The following PTPRE variants were observed in gnomAD, a reference collection of about 807,000 sequenced individuals.
The protein encoded by PTPRE is protein tyrosine phosphatase receptor type E, also known as receptor-type tyrosine-protein phosphatase epsilon.
Under a neutral mutation model 102.0 loss-of-function variants are expected in PTPRE, and 51 were observed. That is an observed-to-expected ratio of 0.50 (90% CI 0.40 to 0.63). The LOEUF (loss-of-function observed/expected upper bound fraction) is 0.63. Ranked by LOEUF, PTPRE falls within the 30% of genes least tolerant of loss-of-function variation. PTPRE has a pLI of 0.00. For missense variants in PTPRE, 752 were observed against 915.1 expected (o/e 0.82, Z 2.30); for synonymous variants, 345 against 348.2 (o/e 0.99, Z 0.10).
intron 2 of PTPRE, among the ~76,000 whole-genome samples, 193 bp downstream of exon 2, chr10:127,982,489 CGTGTGTGTGTGTGTGTGTGTGT>C (rs59170572): frequency 1.4e-5 from 2 of 142,720 alleles, no homozygotes; most frequent in African/African-American, 2.6e-5. Flanking sequence ...ACATCATTTG[CGTGTGTGTGTGTGTGTGTGTGT>C]GTGTGTGTGT....
intron 1 of PTPRE, among the ~76,000 whole-genome samples, chr10:127,948,850 A>T (rs1379908448): frequency 6.6e-6 from 1 of 152,248 alleles, no homozygotes; most frequent in Non-Finnish European, 1.5e-5. Flanking sequence ...ATCCTTCCAG[A>T]GGAATTTAGC....
chr10:128,061,823 G>A (rs887078556), intron 9 of PTPRE, 108 bp downstream of exon 9: 1 of 1,345,298 alleles, frequency 7.4e-7, no homozygotes, highest in Admixed American at 3.0e-5. Flanking sequence ...TTGTGTGTGT[G>A]TGTTTACACC....
At chr10:128,068,571 T>G in intron 12 of PTPRE, 1 of 252,792 alleles carries the variant, frequency 4.0e-6, no homozygotes, top group Non-Finnish European at 7.5e-6. Context: ...CCCTCACCTC[T>G]CCCCGGGAAT....
At chr10:127,971,368 CT>C (rs1292550215) in intron 1 of PTPRE, among the ~76,000 whole-genome samples, 1 of 152,190 alleles carries the variant, frequency 6.6e-6, no homozygotes, top group Non-Finnish European at 1.5e-5. Context: ...TGGCACCCCC[CT>C]GGAGGGCGTC....
At chr10:128,080,606 A>C (rs559024028) in intron 20 of PTPRE, among the ~76,000 whole-genome samples, 1 of 152,276 alleles carries the variant, frequency 6.6e-6, no homozygotes, top group African/African-American at 2.4e-5. Context: ...GGTCTGGCCA[A>C]TATATTCTAT....
Position 128,049,673 on chromosome 10 carries a change from G to T in PTPRE, c.420+7G>T. ...GTTTCGGGAGGAGTTCAACGTGAGTGTGGGGAGGGCTCTCTGCTGGGTGCC... is the reference window on the plus strand; with the variant it reads ...GTTTCGGGAGGAGTTCAACGTGAGTTTGGGGAGGGCTCTCTGCTGGGTGCC... On this transcript the variant is annotated splice_region_variant and intron_variant, in intron 6 of 20. Coordinates refer to ENST00000254667, the MANE Select transcript of PTPRE (RefSeq NM_006504.6). 6.2e-7 allele frequency: 1 copy of T among 1,613,692 alleles called. No individual in the cohort carries two copies. The highest frequency in any genetic ancestry group is 8.5e-7 in the Non-Finnish European group (1 of 1,179,974).
intron 1 of PTPRE, among the ~76,000 whole-genome samples, chr10:127,965,467 C>T (rs983278381): frequency 6.6e-6 from 1 of 152,082 alleles, no homozygotes; most frequent in Admixed American, 6.6e-5. Flanking sequence ...GATTCCTTGC[C>T]AGTGTCTGCA....
chr10:128,063,152 T>G lies in PTPRE; in HGVS notation c.695T>G (p.Met232Arg). 1 of 1,614,252 alleles carries G rather than the reference T, an allele frequency of 6.2e-7. No individual in the cohort carries two copies. The highest frequency in any genetic ancestry group is 2.2e-5 in the East Asian group (1 of 44,886). The change falls in exon 10 of 21, where the codon ATG (methionine) becomes AGG (arginine). Residue 232 changes from methionine to arginine, a missense_variant. Physicochemically the swap from Met to Arg is moderately conservative, Grantham distance 91. Around this residue, in one of 2 missense-constraint regions of PTPRE, gnomAD observed 636 missense variants for 824.4 expected, o/e 0.77. Coordinates refer to ENST00000254667, the MANE Select transcript of PTPRE (RefSeq NM_006504.6). ...GAGCAAAAGTCTGCGACCATCGTCA[T>G]GTTAACAAACTTGAAAGAAAGGAAA... Reference protein sequence around the residue: ...VWEQKSATIVMLTNLKERKEE... With the variant: ...VWEQKSATIVRLTNLKERKEE...
intron 2 of PTPRE, among the ~76,000 whole-genome samples, chr10:128,000,163 C>A (rs1247867651): frequency 6.6e-6 from 1 of 152,170 alleles, no homozygotes. Context: ...CTCCCGGTTT[C>A]TAAAATGTAA....
chr10:127,949,147 C>T (rs117736128), intron 1 of PTPRE, among the ~76,000 whole-genome samples: 4,518 of 152,302 alleles, frequency 0.03, 87 homozygotes, highest in Non-Finnish European at 0.044. Context: ...GTTCTGCAGC[C>T]TTCAGACCTG....
intron 2 of PTPRE, among the ~76,000 whole-genome samples, chr10:128,015,577 A>G (rs1014390880): frequency 6.6e-6 from 1 of 152,100 alleles, no homozygotes; most frequent in Non-Finnish European, 1.5e-5. Flanking sequence ...CGTGTTAGCC[A>G]GGATGGTCTT....
chr10:128,057,398 G>T (rs1403729414), intron 7 of PTPRE, among the ~76,000 whole-genome samples: 1 of 152,114 alleles, frequency 6.6e-6, no homozygotes, highest in East Asian at 1.9e-4. Context: ...TCCACAAAGG[G>T]AGTCCATCCC....
chr10:127,926,527 A>C (rs1447696066), intron 1 of PTPRE, among the ~76,000 whole-genome samples: 1 of 147,422 alleles, frequency 6.8e-6, no homozygotes, highest in Non-Finnish European at 1.5e-5. Context: ...GGTTTCCTAG[A>C]GTTGCTTTCA....
rs773742183 is a variant in PTPRE at position 128,073,363 on chromosome 10, C to T, written c.1491C>T (p.Ile497=). 51 of 1,614,062 alleles carry T rather than the reference C, an allele frequency of 3.2e-5. No individual in the cohort carries two copies. Among genetic ancestry groups the T allele is most frequent in the East Asian group, 6.7e-5 (3 of 44,888 alleles). The stretch of plus-strand genomic sequence containing the variant: ...GCTACCGACAGAAGGACTATTTCAT[C>T]GCCACCCAGGGGCCACTGGCACACA... ...IDGYRQKDYF[I]ATQGPLAHTV... Residue 497 remains isoleucine, a synonymous_variant, in exon 17 of 21, where the codon ATC becomes ATT. Coordinates refer to ENST00000254667, the MANE Select transcript of PTPRE (RefSeq NM_006504.6).
chr10:128,061,897 T>C (rs1035818089), intron 9 of PTPRE, among the ~76,000 whole-genome samples, 182 bp downstream of exon 9: 9 of 152,196 alleles, frequency 5.9e-5, no homozygotes, highest in African/African-American at 2.2e-4. Context: ...CACACACTTA[T>C]TCCCACACCT....
At chr10:127,918,003 TG>T (rs1344469160) in intron 1 of PTPRE, among the ~76,000 whole-genome samples, 5 of 152,058 alleles carry the variant, frequency 3.3e-5, no homozygotes, top group Admixed American at 1.3e-4. Flanking sequence ...GCACTCAGCC[TG>T]GGTGACAGAG....
intron 1 of PTPRE, among the ~76,000 whole-genome samples, chr10:127,936,702 G>A (rs1003271686): frequency 1.3e-5 from 2 of 152,110 alleles, no homozygotes; most frequent in Admixed American, 6.5e-5. Flanking sequence ...CAGAGAGTCC[G>A]TGGGGCTGAG....
intron 6 of PTPRE, among the ~76,000 whole-genome samples, chr10:128,052,681 C>T (rs1455203502): frequency 6.6e-6 from 1 of 152,208 alleles, no homozygotes. Flanking sequence ...TCCCCCGCTT[C>T]AGACAGGCTC....
At chr10:127,982,246 G>T in intron 1 of PTPRE, 28 bp from the exon 2 acceptor site, 2 of 1,255,468 alleles carry the variant, frequency 1.6e-6, no homozygotes, top group Non-Finnish European at 2.1e-6. Context: ...CCAGAAAACT[G>T]ACTTTTTTTT....
Sources: gnomAD v4.1 joint callset for allele counts (sites outside exome capture counted in the v4.1 genomes callset) on GRCh38, gnomAD v4.1.1 for gene constraint, gnomAD v4.1.1 regional missense constraint, MANE v1.5 for transcripts, NCBI Gene and HGNC (gene_info 2026-07-23, HGNC 2026-07-21) for gene names.